NKAIN2: variants seen among roughly 807,000 people sequenced by gnomAD.
The protein encoded by NKAIN2 is sodium/potassium transporting ATPase interacting 2.
Under a neutral mutation model 32.6 loss-of-function variants are expected in NKAIN2, and 14 were observed. That is an observed-to-expected ratio of 0.43 (90% CI 0.28 to 0.67). NKAIN2 has a LOEUF of 0.67. Ranked by LOEUF, NKAIN2 falls within the 30% of genes least tolerant of loss-of-function variation. The pLI is 0.17. For synonymous variants in NKAIN2, 80 were observed against 87.2 expected (o/e 0.92, Z 0.46); for missense variants, 198 against 258.3 (o/e 0.77, Z 1.60).
At chr6:124,582,577 A>C (rs1781562650) in intron 3 of NKAIN2, among the ~76,000 whole-genome samples, 1 of 152,194 alleles carries the variant, frequency 6.6e-6, no homozygotes, top group Non-Finnish European at 1.5e-5. Context: ...TCTGAAAAAA[A>C]TAGAGGAGGG....
chr6:124,431,775 CAT>C (rs926710688), intron 3 of NKAIN2, among the ~76,000 whole-genome samples: 1 of 151,986 alleles, frequency 6.6e-6, no homozygotes, highest in Non-Finnish European at 1.5e-5. Context: ...CACACACACA[CAT>C]ATATAATTGT....
intron 3 of NKAIN2, among the ~76,000 whole-genome samples, chr6:124,379,214 A>AGGGAGGGAGGGAGGGGAGGGGAGGAG (rs1440627240): frequency 4.4e-4 from 1 of 2,248 alleles, no homozygotes; most frequent in African/African-American, 1.8e-3. Flanking sequence ...GAAGGGAGGG[A>AGGGAGGGAGGGAGGGGAGGGGAGGAG]AAGGAGGGAA....
At chr6:123,957,752 T>C (rs1777662259) in intron 1 of NKAIN2, among the ~76,000 whole-genome samples, 2 of 152,314 alleles carry the variant, frequency 1.3e-5, no homozygotes, top group Admixed American at 1.3e-4. Context: ...TTATGCCTTA[T>C]TAAATTAATG....
chr6:124,531,804 G>C (rs1266658155), intron 3 of NKAIN2, among the ~76,000 whole-genome samples: 3 of 152,140 alleles, frequency 2.0e-5, no homozygotes, highest in Admixed American at 2.0e-4. Flanking sequence ...CCAATTAGCT[G>C]GGACTACAGG....
At chr6:124,187,939 C>G (rs888785166) in intron 1 of NKAIN2, among the ~76,000 whole-genome samples, 1 of 152,154 alleles carries the variant, frequency 6.6e-6, no homozygotes, top group Non-Finnish European at 1.5e-5. Flanking sequence ...GCTGTTTGAT[C>G]TGAAACACTC....
At chr6:123,888,088 A>G (rs972833235) in intron 1 of NKAIN2, among the ~76,000 whole-genome samples, 8 of 152,122 alleles carry the variant, frequency 5.3e-5, no homozygotes, top group African/African-American at 1.9e-4. Context: ...ATAAATATCT[A>G]GAGTAAATTA....
At chr6:124,216,689 A>G (rs1029380278) in intron 1 of NKAIN2, among the ~76,000 whole-genome samples, 5 of 152,194 alleles carry the variant, frequency 3.3e-5, no homozygotes, top group Non-Finnish European at 7.3e-5. Flanking sequence ...AATAAGTTTC[A>G]TTCAGGTATC....
chr6:124,570,365 G>A (rs1240579412), intron 3 of NKAIN2, among the ~76,000 whole-genome samples: 1 of 152,154 alleles, frequency 6.6e-6, no homozygotes, highest in Non-Finnish European at 1.5e-5. Flanking sequence ...TGGGGAAGAT[G>A]TCACCAGGCC....
At chr6:124,060,212 C>T (rs1382963376) in intron 1 of NKAIN2, among the ~76,000 whole-genome samples, 1 of 152,134 alleles carries the variant, frequency 6.6e-6, no homozygotes, top group Non-Finnish European at 1.5e-5. Flanking sequence ...CTTTCAGAGA[C>T]ACCTTGATCC....
chr6:124,635,018 A>AG (rs1484465015), intron 3 of NKAIN2, among the ~76,000 whole-genome samples: 3 of 151,568 alleles, frequency 2.0e-5, no homozygotes, highest in Non-Finnish European at 4.4e-5. Context: ...GAAAAAGACA[A>AG]GGTAAGGAAA....
chr6:124,209,972 A>G (rs1048037341), intron 1 of NKAIN2, among the ~76,000 whole-genome samples: 9 of 150,458 alleles, frequency 6.0e-5, no homozygotes, highest in Non-Finnish European at 8.9e-5. Flanking sequence ...CCATTTGTTC[A>G]TTTTTCCTTT....
At chr6:124,167,237 C>T (rs1284645177) in intron 1 of NKAIN2, among the ~76,000 whole-genome samples, 4 of 150,696 alleles carry the variant, frequency 2.7e-5, no homozygotes, top group African/African-American at 9.8e-5. Context: ...CCTTCATGTC[C>T]CTTGTAAGTT....
chr6:124,508,610 T>C (rs1350325388), intron 3 of NKAIN2, among the ~76,000 whole-genome samples: 1 of 152,086 alleles, frequency 6.6e-6, no homozygotes, highest in Admixed American at 6.6e-5. Context: ...CCCAAAGTGC[T>C]GGGATTACAG....
At chr6:123,816,153 A>G (rs1773685380) in intron 1 of NKAIN2, among the ~76,000 whole-genome samples, 1 of 152,078 alleles carries the variant, frequency 6.6e-6, no homozygotes, top group African/African-American at 2.4e-5. Flanking sequence ...AAGAGAATAT[A>G]TGTGGGACAA....
intron 1 of NKAIN2, among the ~76,000 whole-genome samples, chr6:123,998,762 T>TGC: frequency 6.6e-6 from 1 of 150,394 alleles, no homozygotes; most frequent in East Asian, 2.0e-4. Flanking sequence ...TGTGTGTGTG[T>TGC]GTGTGTGTGT....
At chr6:124,306,360 A>AT (rs1562482230) in intron 2 of NKAIN2, among the ~76,000 whole-genome samples, 2 of 151,928 alleles carry the variant, frequency 1.3e-5, no homozygotes, top group African/African-American at 4.8e-5. Context: ...CTCCTGAGTG[A>AT]ATATATATAT....
chr6:124,110,328 T>C (rs923267991), intron 1 of NKAIN2, among the ~76,000 whole-genome samples: 19 of 152,098 alleles, frequency 1.2e-4, no homozygotes, highest in African/African-American at 4.6e-4. Flanking sequence ...AAATTCAGCA[T>C]ATACTCATAA....
intron 4 of NKAIN2, among the ~76,000 whole-genome samples, chr6:124,660,681 A>G (rs1232218691): frequency 6.6e-6 from 1 of 152,150 alleles, no homozygotes; most frequent in Non-Finnish European, 1.5e-5. Flanking sequence ...CCAGGGGTGT[A>G]CTACTTTTGC....
chr6:124,791,010 T>C (rs1462185095), intron 4 of NKAIN2, among the ~76,000 whole-genome samples: 1 of 152,120 alleles, frequency 6.6e-6, no homozygotes, highest in African/African-American at 2.4e-5. Context: ...TAGAAGTTGA[T>C]GGGCACAAAT....
Sources: allele counts gnomAD v4.1 joint callset (sites outside exome capture counted in the v4.1 genomes callset), GRCh38; gene constraint gnomAD v4.1.1; transcripts MANE v1.5; gene names NCBI Gene and HGNC (gene_info 2026-07-23, HGNC 2026-07-21).